Variants in KRT32 observed in about 807,000 individuals in gnomAD.
KRT32 encodes the protein keratin 32.
In KRT32, 44 loss-of-function variants were observed where a neutral mutation model predicts 41.8. The ratio of observed to expected loss-of-function variants is 1.05; its 90% confidence interval spans 0.83 to 1.35. KRT32 has a LOEUF of 1.35. Among genes scored for constraint, KRT32 ranks in the 40% most tolerant of loss-of-function variants. The pLI is 0.00. For missense variants in KRT32, 576 were observed against 584.6 expected, an observed-to-expected ratio of 0.99 and a Z score of 0.15; for synonymous variants, 238 against 242.5, an observed-to-expected ratio of 0.98 and a Z score of 0.17.
rs2019073485 is a variant in KRT32 at position 41,466,856 on chromosome 17, A to G, written c.468+2T>C. 1 of 1,605,322 alleles carries G rather than the reference A, an allele frequency of 6.2e-7. No individual in the cohort carries two copies. The highest frequency in any genetic ancestry group is 8.5e-7 in the Non-Finnish European group (1 of 1,173,808). ...GCCTATTCACCTCACCGCTGCCCTC[A>G]CCTTCTGCTGGAGCTCCTCAATGGT... On this transcript the variant is annotated splice_donor_variant, in intron 1 of 6. Transcript: ENST00000225899. LOFTEE classifies it high-confidence loss of function.
rs374113287 is a variant in KRT32, at chr17:41,464,217, AAGG to A, written c.871-17_871-15del. 20 of 1,595,570 alleles carry A rather than the reference AAGG, an allele frequency of 1.3e-5. No homozygotes were observed. In the East Asian group the frequency reaches 1.6e-4, roughly 12 times the overall value. The stretch of plus-strand genomic sequence containing the variant: ...AAGCTCCTCCATCTGCAGTTGGGGG[AAGG>A]AGAAGGCTAGAGTCCCTTCCTAGGG... On this transcript the variant is annotated splice_polypyrimidine_tract_variant and intron_variant, in intron 4 of 6. Transcript: ENST00000225899.
At position 41,466,930 on chromosome 17, in the gene KRT32, A is replaced by G. The variant is rs1361825386; in HGVS notation, c.396T>C (p.Ser132=). The change falls in exon 1 of 7, where the codon TCT becomes TCC. Residue 132 remains serine (S), a synonymous_variant. Coordinates refer to ENST00000225899, the MANE Select transcript of KRT32 (RefSeq NM_002278.3). ...GAGTCATGGTGAGCACCTGGGAGTG[A>G]GAGGCCTCTTGGATCCTGCTCTCCA... The part of the protein sequence containing the change: ...AELESRIQEA[S]HSQVLTMTPD... 4.3e-6 allele frequency: 7 copies of G among 1,614,110 alleles called. No individual in the cohort carries two copies. Among genetic ancestry groups the G allele is most frequent in the Non-Finnish European group, 8.5e-7 (1 of 1,180,042 alleles).
rs754003767 is a variant in KRT32, at chr17:41,467,108, G to T, written c.218C>A (p.Ala73Glu). The T allele has an allele frequency of 5.6e-6, 9 of 1,614,216 alleles. No individual in the cohort carries two copies. The highest frequency in any genetic ancestry group is 1.1e-5 in the South Asian group (1 of 91,088). ...SKTYLSSSCQ[A>E]ASGISGSMGP... ...CATGGAGCCGGAGATGCCACTGGCTGCCTGGCAGGAACTGGATAGATAGGT... is the reference window on the plus strand; with the variant it reads ...CATGGAGCCGGAGATGCCACTGGCTTCCTGGCAGGAACTGGATAGATAGGT... Residue 73 changes from alanine to glutamate, a missense_variant, in exon 1 of 7, where the codon GCA becomes GAA. Physicochemically the swap from Ala to Glu is moderately radical, Grantham distance 107 (BLOSUM62 -1). Coordinates refer to ENST00000225899, the MANE Select transcript of KRT32 (RefSeq NM_002278.3).
At position 41,466,111 on chromosome 17, in the gene KRT32, G is replaced by A. The variant is rs764632263; in HGVS notation, c.534C>T (p.Ala178=). The stretch of plus-strand genomic sequence containing the variant: ...GAACTCACTTGGCCCTGAAGTCATC[G>A]GCAGCCAGTTTGGCATTATCAATGT... ...VVNIDNAKLA[A]DDFRAKYEAE... The change falls in exon 2 of 7, where the codon GCC becomes GCT. Residue 178 remains alanine, a synonymous_variant. Transcript: ENST00000225899. 13 of 1,614,014 alleles carry A rather than the reference G, an allele frequency of 8.1e-6. No individual in the cohort carries two copies. Among genetic ancestry groups the A allele is most frequent in the Middle Eastern group, 1.6e-4 (1 of 6,082 alleles).
Position 41,463,034 on chromosome 17 carries a change from T to C in KRT32, c.1013A>G (p.Asn338Ser), listed in dbSNP as rs764600030. ...AQHSLRDSLE[N>S]TLTESEARYS... The stretch of plus-strand genomic sequence containing the variant: ...GCGGGCCTCACTCTCCGTCAGCGTG[T>C]TTTCCAGGGAGTCCCTCTAAGGCAA... The change falls in exon 6 of 7, where the codon AAC becomes AGC. Residue 338 changes from asparagine to serine, a missense_variant. Coordinates refer to ENST00000225899, the MANE Select transcript of KRT32 (RefSeq NM_002278.3). The C allele has an allele frequency of 1.2e-6, 2 of 1,613,210 alleles. No homozygotes were observed. Among genetic ancestry groups the C allele is most frequent in the Non-Finnish European group, 1.7e-6 (2 of 1,179,350 alleles).
Position 41,460,169 on chromosome 17 carries a change from C to A in KRT32, c.1288G>T (p.Val430Phe), listed in dbSNP as rs374925222. The A allele has an allele frequency of 8.1e-6, 13 of 1,613,336 alleles. No homozygotes were observed. The Admixed American group carries it at 2.2e-4, about 27-fold the overall frequency. ...CVPSPCVPRT[V>F]CVPRTVGMPC... The stretch of plus-strand genomic sequence containing the variant: ...ATGCCAACAGTGCGTGGCACACAGA[C>A]GGTGCGGGGCACGCATGGGGAGGGC... The change falls in exon 7 of 7, where the codon GTC (valine) becomes TTC (phenylalanine). Residue 430 changes from valine to phenylalanine, a missense_variant. Physicochemically the swap from Val to Phe is conservative, Grantham distance 50 (BLOSUM62 -1). Transcript: ENST00000225899.
At chr17:41,463,780 G>T (rs187165753) in intron 5 of KRT32, among the ~76,000 whole-genome samples, 2 of 152,258 alleles carry the variant, frequency 1.3e-5, no homozygotes, top group East Asian at 3.9e-4. Flanking sequence ...AAAGAACCTG[G>T]GCATCAGGAT....
Position 41,467,309 on chromosome 17 carries a change from C to G in KRT32, c.17G>C (p.Cys6Ser). ...AGAGGCTTGCAAGTTGTTGGTGACA[C>G]AGCAGGAGGATGTCATGTTGGAGAG... MTSSC[C>S]VTNNLQASLK... Residue 6 changes from cysteine (C) to serine (S), a missense_variant, in exon 1 of 7, where the codon TGT becomes TCT. Cys to Ser is a moderately radical substitution (Grantham distance 112). Coordinates refer to ENST00000225899, the MANE Select transcript of KRT32 (RefSeq NM_002278.3). The G allele has an allele frequency of 6.2e-7, 1 of 1,608,516 alleles. No homozygotes were observed. The highest frequency in any genetic ancestry group is 8.5e-7 in the Non-Finnish European group (1 of 1,177,028).
chr17:41,466,211 G>A lies in KRT32; in HGVS notation c.469-35C>T, dbSNP rs778781195. 12 of 1,578,088 alleles carry A rather than the reference G, an allele frequency of 7.6e-6. No homozygotes were observed. The South Asian group carries it at 1.1e-4, about 15-fold the overall frequency. On this transcript the variant is annotated intron_variant, in intron 1 of 6. Transcript: ENST00000225899. ...AAGGCACATGGAGAGGGTTAGTTCAGGATGAGACGAAGCAAGAAGAACCCA... is the reference window on the plus strand; with the variant it reads ...AAGGCACATGGAGAGGGTTAGTTCAAGATGAGACGAAGCAAGAAGAACCCA...
chr17:41,460,314 C>T, intron 6 of KRT32, 75 bp from the exon 7 acceptor site: 2 of 1,505,652 alleles, frequency 1.3e-6, no homozygotes, highest in Admixed American at 2.0e-5. Context: ...CAATTCTCCC[C>T]TCGGATGCCT....
At position 41,466,175 on chromosome 17, in the gene KRT32, A is replaced by C. The variant is rs1390284980; in HGVS notation, c.470T>G (p.Ile157Ser). 6.2e-7 allele frequency: 1 copy of C among 1,613,376 alleles called. No individual in the cohort carries two copies. The highest frequency in any genetic ancestry group is 2.2e-5 in the East Asian group (1 of 44,888). The change falls in exon 2 of 7, where the codon ATT becomes AGT. Residue 157 changes from isoleucine (I) to serine (S), a missense_variant and splice_region_variant. Ile to Ser is a moderately radical substitution (Grantham distance 142). Transcript: ENST00000225899. ...FRTIEELQQK[I>S]LCTKAENARM... The stretch of plus-strand genomic sequence containing the variant: ...GGCATTCTCTGCCTTGGTACACAGA[A>C]TCTGTAGGCCAAGGCACATGGAGAG...
chr17:41,466,972 C>A lies in KRT32; in HGVS notation c.354G>T (p.Glu118Asp). 6.2e-7 allele frequency: 1 copy of A among 1,614,238 alleles called. No homozygotes were observed. The highest frequency in any genetic ancestry group is 8.5e-7 in the Non-Finnish European group (1 of 1,180,048). Reference sequence around the variant, plus strand: ...TGCTCTCCAGCTCCGCATTCTCCTGCTCCAGCTGCCGCACCCTCGTCAGGT... The same window carrying A: ...TGCTCTCCAGCTCCGCATTCTCCTGATCCAGCTGCCGCACCCTCGTCAGGT... ...ASYLTRVRQL[E>D]QENAELESRI... Residue 118 changes from glutamate to aspartate, a missense_variant, in exon 1 of 7, where the codon GAG (glutamate) becomes GAT (aspartate). Glu to Asp is a conservative substitution (Grantham distance 45). Coordinates refer to ENST00000225899, the MANE Select transcript of KRT32 (RefSeq NM_002278.3).
In KRT32 at chr17:41,467,241, C is replaced by T. The variant is rs574564910; in HGVS notation, c.85G>A (p.Val29Met). 2.6e-4 allele frequency: 424 copies of T among 1,613,798 alleles called. 2 individuals are homozygous for T. The South Asian group carries it at 4.3e-3, about 16-fold the overall frequency. The change falls in exon 1 of 7, where the codon GTG becomes ATG. Residue 29 changes from valine (V) to methionine (M), a missense_variant. Physicochemically the swap from Val to Met is conservative, Grantham distance 21. Transcript: ENST00000225899. ...AGGCACAGCTCAGGCCGGCAGTTCA[C>T]GCCGCTGGAACAGACCGAGGCAGGC... ...PRPASVCSSGVNCRPELCLGY... is the reference protein window; with the variant it reads ...PRPASVCSSGMNCRPELCLGY...
At chr17:41,461,600 A>C (rs1395034179) in intron 6 of KRT32, among the ~76,000 whole-genome samples, 1 of 152,264 alleles carries the variant, frequency 6.6e-6, no homozygotes, top group Non-Finnish European at 1.5e-5. Context: ...TTGGAAGATC[A>C]GCAATATTGG....
intron 6 of KRT32, among the ~76,000 whole-genome samples, chr17:41,461,094 T>C (rs903264078): frequency 5.3e-5 from 8 of 152,094 alleles, no homozygotes; most frequent in Non-Finnish European, 8.8e-5. Flanking sequence ...TCTTCTCTTG[T>C]TTAAGAGCTC....
At chr17:41,461,852 G>T (rs1000275820) in intron 6 of KRT32, among the ~76,000 whole-genome samples, 4 of 152,248 alleles carry the variant, frequency 2.6e-5, no homozygotes, top group Non-Finnish European at 5.9e-5. Context: ...CCCACTGGGT[G>T]TCCATGGCCC....
chr17:41,465,730 C>A (rs371356129), intron 3 of KRT32, 43 bp downstream of exon 3: 10 of 1,588,310 alleles, frequency 6.3e-6, no homozygotes, highest in East Asian at 2.3e-5. Flanking sequence ...CGTTCCTCCC[C>A]CTCTGCTTCC....
At position 41,466,117 on chromosome 17, in the gene KRT32, C is replaced by G. The variant is rs1377232106; in HGVS notation, c.528G>C (p.Leu176=). 3.1e-6 allele frequency: 5 copies of G among 1,614,182 alleles called. No homozygotes were observed. The highest frequency in any genetic ancestry group is 4.2e-6 in the Non-Finnish European group (5 of 1,180,030). Residue 176 remains leucine, a synonymous_variant, in exon 2 of 7, where the codon CTG becomes CTC. Coordinates refer to ENST00000225899, the MANE Select transcript of KRT32 (RefSeq NM_002278.3). ...ACTTGGCCCTGAAGTCATCGGCAGC[C>G]AGTTTGGCATTATCAATGTTCACAA... ...RMVVNIDNAK[L]AADDFRAKYE...
In KRT32 at chr17:41,462,847, C is replaced by T; in HGVS notation, c.1200G>A (p.Leu400=). 1.2e-6 allele frequency: 2 copies of T among 1,613,432 alleles called. No homozygotes were observed. The highest frequency in any genetic ancestry group is 2.2e-5 in the South Asian group (2 of 91,042). ...CTGCGTACTTGCAGTCCTCGTTCTC[C>T]AGCAGGCTCCGGTACGTGTTGATCT... The part of the protein sequence containing the change: ...EGEINTYRSL[L]ENEDCKLPCN... The change falls in exon 6 of 7, where the codon CTG becomes CTA. Residue 400 remains leucine (L), a synonymous_variant. Coordinates refer to ENST00000225899, the MANE Select transcript of KRT32 (RefSeq NM_002278.3).
Sources: gnomAD v4.1 joint callset for allele counts (sites outside exome capture counted in the v4.1 genomes callset) on GRCh38, gnomAD v4.1.1 for gene constraint, MANE v1.5 for transcripts, NCBI Gene and HGNC (gene_info 2026-07-23, HGNC 2026-07-21) for gene names.